BAG6: variants seen among roughly 807,000 people sequenced by gnomAD.
BAG6 encodes large proline-rich protein BAG6.
A neutral mutation model predicts 121.0 loss-of-function variants in BAG6; 22 were observed. The ratio of observed to expected loss-of-function variants is 0.18; its 90% CI spans 0.13 to 0.26. The LOEUF (loss-of-function observed/expected upper bound fraction) is 0.26. Among genes scored for constraint, BAG6 ranks in the 10% least tolerant of loss-of-function variants. The pLI is 1.00. For missense variants in BAG6, 1,233 were observed against 1,537.7 expected, an observed-to-expected ratio of 0.80 and a Z score of 3.31; for synonymous variants, 583 against 584.6, an observed-to-expected ratio of 1.00 and a Z score of 0.04.
chr6:31,639,872 G>A, intron 24 of BAG6: 2 of 661,204 alleles, frequency 3.0e-6, no homozygotes, highest in South Asian at 2.1e-5. Flanking sequence ...TCTTCAAAAC[G>A]AAAGGCAGAA....
rs972777965 is a variant in BAG6 at position 31,645,011 on chromosome 6, G to A, written c.1304C>T (p.Pro435Leu). 4.3e-6 allele frequency: 7 copies of A among 1,611,696 alleles called. No individual in the cohort carries two copies. Among genetic ancestry groups the A allele is most frequent in the Admixed American group, 1.7e-5 (1 of 59,846 alleles). ...GPAPPPATSH[P>L]RVIRISHQSV... Reference sequence around the variant, plus strand: ...CTGGTGGGAAATCCGGATGACCCTCGGGTGGCTGGTGGCTGGCGGGGGAGC... The same window carrying A: ...CTGGTGGGAAATCCGGATGACCCTCAGGTGGCTGGTGGCTGGCGGGGGAGC... Residue 435 changes from proline to leucine, a missense_variant, in exon 10 of 26, where the codon CCG becomes CTG. This residue lies in a region of BAG6 where 777 missense variants were observed against 861.4 expected (regional missense o/e 0.90). Transcript: ENST00000676615.
chr6:31,641,095 G>A lies in BAG6; in HGVS notation c.2787+9C>T. 2 of 1,612,936 alleles carry A rather than the reference G, an allele frequency of 1.2e-6. No homozygotes were observed. The highest frequency in any genetic ancestry group is 8.5e-7 in the Non-Finnish European group (1 of 1,179,902). ...AAAGGCTAAGGATCTGGGGCTAGGT[G>A]GTGCTTACAATTCGGCCATTGATAA... is the stretch of plus-strand genomic sequence containing the variant. On this transcript the variant is annotated intron_variant, in intron 20 of 25. Coordinates refer to ENST00000676615, the MANE Select transcript of BAG6 (RefSeq NM_001387994.1). The surrounding 1 kb of genome is among the most constrained non-coding windows in gnomAD (Gnocchi z 5.7).
At chr6:31,652,355 A>ACACACACACACCCC (rs1277723335) in intron 1 of BAG6, 69 bp downstream of exon 1, 1 of 147,398 alleles carries the variant, frequency 6.8e-6, no homozygotes, top group African/African-American at 2.7e-5. Context: ...ACACACACAC[A>ACACACACACACCCC]CACACCCACC....
At chr6:31,643,609 A>T (rs1415149376) in intron 14 of BAG6, among the ~76,000 whole-genome samples, 2 of 150,374 alleles carry the variant, frequency 1.3e-5, no homozygotes, top group Non-Finnish European at 3.0e-5. Flanking sequence ...CTGTAGTCCC[A>T]GCTACTCAGG....
chr6:31,645,934 C>T (rs1788679700), intron 8 of BAG6, among the ~76,000 whole-genome samples: 1 of 152,190 alleles, frequency 6.6e-6, no homozygotes, highest in Non-Finnish European at 1.5e-5. Flanking sequence ...TAAGGGAGGA[C>T]AAAATCACTT....
rs1161077975 is a variant in BAG6 at position 31,641,999 on chromosome 6, C to G, written c.2336-54G>C. The G allele has an allele frequency of 1.9e-6, 3 of 1,602,572 alleles. No individual in the cohort carries two copies. Among genetic ancestry groups the G allele is most frequent in the African/African-American group, 2.7e-5 (2 of 74,700 alleles). On this transcript the variant is annotated intron_variant, in intron 16 of 25. Transcript: ENST00000676615. The surrounding 1 kb of genome is among the most constrained non-coding windows in gnomAD (Gnocchi z 5.7). ...GGCCTTTACCACCTGGCCTGCCCAC[C>G]CACAACCAGATCATCAACCTCATCC...
At position 31,641,754 on chromosome 6, in the gene BAG6, G is replaced by T. The variant is rs749025563; in HGVS notation, c.2505+22C>A. On this transcript the variant is annotated intron_variant, in intron 17 of 25. Coordinates refer to ENST00000676615, the MANE Select transcript of BAG6 (RefSeq NM_001387994.1). The surrounding 1 kb of genome is among the most constrained non-coding windows in gnomAD (Gnocchi z 5.7). ...AAAATGTGCAAAAGAGGAGAGTTCTGGGGCCCCTGGCCTTCATTTACCCGG... is the reference window on the plus strand; with the variant it reads ...AAAATGTGCAAAAGAGGAGAGTTCTTGGGCCCCTGGCCTTCATTTACCCGG... 5 of 1,612,644 alleles carry T rather than the reference G, an allele frequency of 3.1e-6. No individual in the cohort carries two copies. In the East Asian group the frequency reaches 1.1e-4, roughly 36 times the overall value.
chr6:31,640,586 C>T lies in BAG6; in HGVS notation c.2995-58G>A. On this transcript the variant is annotated intron_variant, in intron 22 of 25. Coordinates refer to ENST00000676615, the MANE Select transcript of BAG6 (RefSeq NM_001387994.1). This position sits in a 1 kb window ranked among gnomAD's most constrained non-coding sequence, Gnocchi z 4.2. Reference sequence around the variant, plus strand: ...CAGAATTTTTAGCCTCCAAACCTTTCTCCCCCAGCCCTCCACTCCACATTA... The same window carrying T: ...CAGAATTTTTAGCCTCCAAACCTTTTTCCCCCAGCCCTCCACTCCACATTA... 1 of 1,612,666 alleles carries T rather than the reference C, an allele frequency of 6.2e-7. No homozygotes were observed. Among genetic ancestry groups the T allele is most frequent in the Non-Finnish European group, 8.5e-7 (1 of 1,179,740 alleles).
At chr6:31,651,403 G>C (rs940963688) in intron 2 of BAG6, among the ~76,000 whole-genome samples, 1 of 152,182 alleles carries the variant, frequency 6.6e-6, no homozygotes, top group Non-Finnish European at 1.5e-5. Flanking sequence ...GCTGGGTATA[G>C]TGGCACACGC....
chr6:31,651,701 C>T lies in BAG6; in HGVS notation c.63G>A (p.Val21=). Residue 21 remains valine, a synonymous_variant, in exon 2 of 26, where the codon GTG becomes GTA. Transcript: ENST00000676615. ...TACGAGTTTGAGAGTCCAAGGTCTTCACCAACACCTCCAAGCTGTCAGGCT... is the reference window on the plus strand; with the variant it reads ...TACGAGTTTGAGAGTCCAAGGTCTTTACCAACACCTCCAAGCTGTCAGGCT... ...VEEPDSLEVL[V]KTLDSQTRTF... is the part of the protein sequence containing the mutation. 6.2e-7 allele frequency: 1 copy of T among 1,613,058 alleles called. No individual in the cohort carries two copies. Among genetic ancestry groups the T allele is most frequent in the Non-Finnish European group, 8.5e-7 (1 of 1,180,020 alleles).
In BAG6 at chr6:31,644,240, C is replaced by A. The variant is rs1561912042; in HGVS notation, c.1556-46G>T. ...AGACCGAAGAGGGCTGAGGGCCAGGCCCTTGCCAGCCAGCTGCCACCATGG... is the reference window on the plus strand; with the variant it reads ...AGACCGAAGAGGGCTGAGGGCCAGGACCTTGCCAGCCAGCTGCCACCATGG... On this transcript the variant is annotated intron_variant, in intron 12 of 25. Coordinates refer to ENST00000676615, the MANE Select transcript of BAG6 (RefSeq NM_001387994.1). The surrounding 1 kb of genome is among the most constrained non-coding windows in gnomAD (Gnocchi z 4.9). 6.3e-7 allele frequency: 1 copy of A among 1,580,140 alleles called. No homozygotes were observed. The highest frequency in any genetic ancestry group is 1.1e-5 in the South Asian group (1 of 87,474).
At position 31,646,399 on chromosome 6, in the gene BAG6, T is replaced by A. The variant is rs1423019272; in HGVS notation, c.913A>T (p.Asn305Tyr). 1.9e-6 allele frequency: 3 copies of A among 1,612,726 alleles called. No homozygotes were observed. The highest frequency in any genetic ancestry group is 1.7e-6 in the Non-Finnish European group (2 of 1,179,942). Residue 305 changes from asparagine (N) to tyrosine (Y), a missense_variant, in exon 8 of 26, where the codon AAC (asparagine) becomes TAC (tyrosine). Physicochemically the swap from Asn to Tyr is moderately radical, Grantham distance 143. Around this residue, in one of 7 missense-constraint regions of BAG6, gnomAD observed 777 missense variants for 861.4 expected, o/e 0.90. Transcript: ENST00000676615. ...AGGGCCATCAAAGGGCTCACATTGT[T>A]ATTGTAGTCCGTGGTGGCAGCAGCA... ...LGAAATTDYN[N>Y]NHEGREEDQR...
At chr6:31,643,235 C>A (rs903901146) in intron 14 of BAG6, 120 bp from the exon 15 acceptor site, 1 of 951,348 alleles carries the variant, frequency 1.1e-6, no homozygotes, top group African/African-American at 1.7e-5. Context: ...GGCCACATAG[C>A]AAGACCCCAT....
In BAG6 at chr6:31,644,833, A is replaced by G; in HGVS notation, c.1369+113T>C. 1 of 1,492,930 alleles carries G rather than the reference A, an allele frequency of 6.7e-7. No homozygotes were observed. 92.5% of individuals were successfully genotyped at this position (1,492,930 alleles called of 1,614,324 possible). On this transcript the variant is annotated intron_variant, in intron 10 of 25. Transcript: ENST00000676615. The surrounding 1 kb of genome is among the most constrained non-coding windows in gnomAD (Gnocchi z 4.9). ...TACTTAAGCTTCTGCTCTGGTCCCC[A>G]GGCTACCACCACCAGCATGTGCCTC...
Position 31,640,029 on chromosome 6 carries a change from T to C in BAG6, c.3246+170A>G, listed in dbSNP as rs1781015553. On this transcript the variant is annotated intron_variant, in intron 24 of 25. Transcript: ENST00000676615. This position sits in a 1 kb window ranked among gnomAD's most constrained non-coding sequence, Gnocchi z 4.2. ...AAACAGACTAAGGTCAAGTCCTGTA[T>C]GGTTATGCAACAACCAAGAGCAAGT... Among the ~76,000 whole-genome samples the C allele has an allele frequency of 6.6e-6, 1 of 152,206 alleles. No homozygotes were observed. The highest frequency in any genetic ancestry group is 2.4e-5 in the African/African-American group (1 of 41,460).
At position 31,648,733 on chromosome 6, in the gene BAG6, G is replaced by C; in HGVS notation, c.496C>G (p.Leu166Val). Residue 166 changes from leucine to valine, a missense_variant, in exon 6 of 26, where the codon CTG becomes GTG. This residue lies in a region of BAG6 where 777 missense variants were observed against 861.4 expected (regional missense o/e 0.90). Transcript: ENST00000676615. The stretch of plus-strand genomic sequence containing the variant: ...CTGATCATGTGCTGAGCCATCACCA[G>C]CCGTACCCGGGGCTCACTCTACAAT... ...APIQSEPRVR[L>V]VMAQHMIRDI... 4 of 1,614,090 alleles carry C rather than the reference G, an allele frequency of 2.5e-6. No homozygotes were observed. Among genetic ancestry groups the C allele is most frequent in the Non-Finnish European group, 3.4e-6 (4 of 1,180,030 alleles).
chr6:31,644,161 G>T lies in BAG6; in HGVS notation c.1589C>A (p.Thr530Asn). ...QQVPGFPTAP[T>N]RVVIARPTPP... ...AGTGGGCCGGGCAATCACCACCCGG[G>T]TTGGAGCTGTTGGGAAGCCTGGCAC... Residue 530 changes from threonine to asparagine, a missense_variant, in exon 13 of 26, where the codon ACC (threonine) becomes AAC (asparagine). By Grantham distance (65) the Thr-to-Asn change is moderately conservative. Coordinates refer to ENST00000676615, the MANE Select transcript of BAG6 (RefSeq NM_001387994.1). The surrounding 1 kb of genome is among the most constrained non-coding windows in gnomAD (Gnocchi z 4.9). 6.2e-7 allele frequency: 1 copy of T among 1,613,940 alleles called. No individual in the cohort carries two copies. The highest frequency in any genetic ancestry group is 8.5e-7 in the Non-Finnish European group (1 of 1,179,956).
intron 15 of BAG6, 156 bp from the exon 16 acceptor site, chr6:31,642,559 T>G: frequency 1.6e-6 from 1 of 631,864 alleles, no homozygotes; most frequent in South Asian, 2.0e-5. Flanking sequence ...TGGTAGGTAT[T>G]TAACAGAGTC....
chr6:31,646,437 T>C lies in BAG6; in HGVS notation c.875A>G (p.Tyr292Cys), dbSNP rs2150896216. 6.2e-7 allele frequency: 1 copy of C among 1,612,958 alleles called. No individual in the cohort carries two copies. The highest frequency in any genetic ancestry group is 8.5e-7 in the Non-Finnish European group (1 of 1,180,002). The change falls in exon 8 of 26, where the codon TAC (tyrosine) becomes TGC (cysteine). Residue 292 changes from tyrosine (Y) to cysteine (C), a missense_variant. Around this residue, in one of 7 missense-constraint regions of BAG6, gnomAD observed 777 missense variants for 861.4 expected, o/e 0.90. Transcript: ENST00000676615. ...SRLQPFLQRYYEVLGAAATTD... is the reference protein window; with the variant it reads ...SRLQPFLQRYCEVLGAAATTD... The stretch of plus-strand genomic sequence containing the variant: ...GGTGGCAGCAGCACCCAGAACCTCG[T>C]AGTAGCGCTGCAAGAAGGGCTGGAG...
Sources: gnomAD v4.1 joint callset for allele counts (sites outside exome capture counted in the v4.1 genomes callset) on GRCh38, gnomAD v4.1.1 for gene constraint, gnomAD v4.1.1 regional missense constraint, Gnocchi (gnomAD v3.1) non-coding constraint, MANE v1.5 for transcripts, NCBI Gene and HGNC (gene_info 2026-07-23, HGNC 2026-07-21) for gene names.